Variants in DOK6 observed in about 807,000 individuals in gnomAD.
DOK6 encodes the protein downstream of tyrosine kinase 6.
In DOK6, 22 loss-of-function variants were observed where a neutral mutation model predicts 44.0. The ratio of observed to expected loss-of-function variants is 0.50; its 90% CI spans 0.36 to 0.71. The LOEUF (loss-of-function observed/expected upper bound fraction) is 0.71. Among genes scored for constraint, DOK6 ranks in the 30% least tolerant of loss-of-function variants. The pLI, the probability that DOK6 is intolerant of heterozygous loss-of-function variation, is 0.00. For missense variants in DOK6, 340 were observed against 416.4 expected, an observed-to-expected ratio of 0.82 and a Z score of 1.60; for synonymous variants, 166 against 145.5, an observed-to-expected ratio of 1.14 and a Z score of -1.01.
intron 3 of DOK6, among the ~76,000 whole-genome samples, chr18:69,646,841 C>A (rs994481604): frequency 3.9e-5 from 6 of 152,076 alleles, no homozygotes; most frequent in African/African-American, 1.4e-4. Context: ...AACAGTATTA[C>A]CTCTATTTCT....
intron 7 of DOK6, among the ~76,000 whole-genome samples, chr18:69,775,467 T>G (rs1300364107): frequency 6.6e-6 from 1 of 151,930 alleles, no homozygotes; most frequent in East Asian, 1.9e-4. Context: ...AAAAGAGAAG[T>G]ATGGATACGT....
chr18:69,434,795 G>A (rs1393943152), intron 1 of DOK6, among the ~76,000 whole-genome samples: 1 of 151,820 alleles, frequency 6.6e-6, no homozygotes, highest in East Asian at 1.9e-4. Context: ...TGTGGCACCC[G>A]CCTGTAATCC....
At chr18:69,832,331 C>T (rs1568139431) in intron 7 of DOK6, among the ~76,000 whole-genome samples, 1 of 152,062 alleles carries the variant, frequency 6.6e-6, no homozygotes, top group Non-Finnish European at 1.5e-5. Flanking sequence ...TGTAATGTAT[C>T]ATGTTTATTG....
intron 1 of DOK6, among the ~76,000 whole-genome samples, chr18:69,464,900 C>A (rs1044745884): frequency 5.3e-5 from 8 of 152,192 alleles, no homozygotes; most frequent in African/African-American, 1.9e-4. Flanking sequence ...TTTCAGATCA[C>A]ACTTTTCAAA....
At chr18:69,686,572 G>A (rs1986157408) in intron 4 of DOK6, among the ~76,000 whole-genome samples, 1 of 151,968 alleles carries the variant, frequency 6.6e-6, no homozygotes, top group Non-Finnish European at 1.5e-5. Flanking sequence ...GGGATCTAGG[G>A]GAGGAAGAAA....
At chr18:69,496,151 G>A (rs1980881913) in intron 1 of DOK6, among the ~76,000 whole-genome samples, 1 of 152,240 alleles carries the variant, frequency 6.6e-6, no homozygotes, top group African/African-American at 2.4e-5. Flanking sequence ...CAGGAGGGCA[G>A]GTTTCCTGCC....
chr18:69,547,924 A>AAT (rs1431962264), intron 1 of DOK6, among the ~76,000 whole-genome samples: 1 of 144,448 alleles, frequency 6.9e-6, no homozygotes, highest in Non-Finnish European at 1.5e-5. Context: ...ATCTATATAT[A>AAT]ATATATAATA....
chr18:69,799,480 A>G (rs1296908352), intron 7 of DOK6, among the ~76,000 whole-genome samples: 4 of 152,082 alleles, frequency 2.6e-5, no homozygotes, highest in Non-Finnish European at 4.4e-5. Flanking sequence ...AAAAAGTGAA[A>G]AAAAGCATAA....
chr18:69,550,723 A>G (rs950565664), intron 1 of DOK6, among the ~76,000 whole-genome samples: 4 of 145,060 alleles, frequency 2.8e-5, no homozygotes, highest in African/African-American at 1.0e-4. Context: ...CCTAATATAT[A>G]TTGACAGTTT....
At chr18:69,808,499 G>T (rs76602343) in intron 7 of DOK6, among the ~76,000 whole-genome samples, 3,391 of 151,874 alleles carry the variant, frequency 0.022, 121 homozygotes, top group African/African-American at 0.077. Flanking sequence ...CTAAAAGTTG[G>T]TTGTTTTTGA....
At chr18:69,675,065 G>A (rs546017180) in intron 3 of DOK6, among the ~76,000 whole-genome samples, 4 of 152,206 alleles carry the variant, frequency 2.6e-5, no homozygotes, top group African/African-American at 7.2e-5. Context: ...CTACTAAAAT[G>A]CTGAAGCACT....
At chr18:69,555,674 A>G (rs1982670095) in intron 1 of DOK6, among the ~76,000 whole-genome samples, 1 of 152,084 alleles carries the variant, frequency 6.6e-6, no homozygotes, top group Admixed American at 6.6e-5. Flanking sequence ...CCATCTTGTT[A>G]CTCAATCTTA....
intron 3 of DOK6, among the ~76,000 whole-genome samples, chr18:69,646,675 C>T (rs1304522442): frequency 2.0e-5 from 3 of 152,130 alleles, no homozygotes; most frequent in African/African-American, 7.2e-5. Context: ...TTACTTTTCA[C>T]CACTTGCTTC....
At chr18:69,612,554 A>C (rs890055144) in intron 3 of DOK6, among the ~76,000 whole-genome samples, 6 of 139,936 alleles carry the variant, frequency 4.3e-5, no homozygotes, top group Non-Finnish European at 9.4e-5. Flanking sequence ...CACCCAACCG[A>C]CTCCTACATT....
At chr18:69,447,363 G>A (rs1257797229) in intron 1 of DOK6, among the ~76,000 whole-genome samples, 1 of 152,136 alleles carries the variant, frequency 6.6e-6, no homozygotes, top group Non-Finnish European at 1.5e-5. Context: ...TTAGATGGTT[G>A]TAGATGTGTG....
At chr18:69,816,340 T>C (rs557063012) in intron 7 of DOK6, among the ~76,000 whole-genome samples, 2 of 152,334 alleles carry the variant, frequency 1.3e-5, no homozygotes, top group South Asian at 2.1e-4. Flanking sequence ...TTTATGTCTC[T>C]TGTGCTATAT....
chr18:69,584,006 G>A (rs1231212087), intron 2 of DOK6, among the ~76,000 whole-genome samples: 1 of 150,454 alleles, frequency 6.6e-6, no homozygotes, highest in Non-Finnish European at 1.5e-5. Context: ...TACTCAGGAG[G>A]CTGAGGCAGG....
intron 7 of DOK6, among the ~76,000 whole-genome samples, chr18:69,806,765 T>C (rs191892139): frequency 3.3e-5 from 5 of 152,108 alleles, no homozygotes; most frequent in African/African-American, 1.2e-4. Flanking sequence ...AATATCATTA[T>C]GTTAAATGAC....
At chr18:69,685,391 G>T (rs149812223) in intron 4 of DOK6, among the ~76,000 whole-genome samples, 85 of 152,276 alleles carry the variant, frequency 5.6e-4, no homozygotes, top group African/African-American at 1.8e-3. Flanking sequence ...CTTAATCTCT[G>T]CTTCCTACTC....
Sources: gnomAD v4.1 joint callset for allele counts (sites outside exome capture counted in the v4.1 genomes callset) on GRCh38, gnomAD v4.1.1 for gene constraint, MANE v1.5 for transcripts, NCBI Gene and HGNC (gene_info 2026-07-23, HGNC 2026-07-21) for gene names.